RGS12: variants seen among roughly 807,000 people sequenced by gnomAD.
RGS12 encodes regulator of G protein signaling 12, also known as regulator of G-protein signaling 12.
A neutral mutation model predicts 120.1 loss-of-function variants in RGS12; 66 were observed. The ratio of observed to expected loss-of-function variants is 0.55; its 90% CI spans 0.45 to 0.67. The LOEUF is 0.67. RGS12 is among the 30% of genes least tolerant of loss of function. The pLI is 0.00. For missense variants in RGS12, 1,859 were observed against 1,957.7 expected (o/e 0.95, Z 0.95); for synonymous variants, 827 against 804.7 (o/e 1.03, Z -0.47).
Position 3,423,597 on chromosome 4 carries a change from G to T in RGS12, c.3190G>T (p.Val1064Leu), listed in dbSNP as rs749956535. 5.9e-5 allele frequency: 95 copies of T among 1,612,090 alleles called. No homozygotes were observed. The highest frequency in any genetic ancestry group is 7.5e-5 in the Non-Finnish European group (89 of 1,179,948). ...KPVTEVLRPV[V>L]ARYGLDLSGL... ...CGTCACGGAGGTGCTGCGGCCCGTG[G>T]TGGCCAGATACGGCCTGGACCTCAG... Residue 1064 changes from valine (V) to leucine (L), a missense_variant, in exon 13 of 18, where the codon GTG (valine) becomes TTG (leucine). Coordinates refer to ENST00000336727, the MANE Select transcript of RGS12 (RefSeq NM_001394154.1).
chr4:3,350,474 G>A (rs1025838833), intron 3 of RGS12, among the ~76,000 whole-genome samples: 3 of 152,234 alleles, frequency 2.0e-5, no homozygotes, highest in Admixed American at 6.5e-5. Flanking sequence ...TTGAGCCCAG[G>A]AGTTTGAGAC....
chr4:3,357,684 T>C (rs114501828), intron 3 of RGS12, among the ~76,000 whole-genome samples: 4,892 of 152,202 alleles, frequency 0.032, 243 homozygotes, highest in African/African-American at 0.11. Flanking sequence ...TTATGTAAGG[T>C]TTTATTTCTG....
At chr4:3,417,286 A>G (rs1330529885) in intron 8 of RGS12, 102 bp from the exon 9 acceptor site, 2 of 1,366,610 alleles carry the variant, frequency 1.5e-6, no homozygotes, top group East Asian at 2.5e-5. Flanking sequence ...ATACCATCCC[A>G]TAGAGTGCTT....
rs563625353 is a variant in RGS12, at chr4:3,349,820, G to C, written c.1998+6767G>C. On this transcript the variant is annotated intron_variant, in intron 3 of 17. Transcript: ENST00000336727. ...CCTTCTCTAAAATTTAATAAGCCAA[G>C]AACAAACTTACATTTGTGTTCAGCA... 3.0e-3 allele frequency among the ~76,000 whole-genome samples: 462 copies of C among 152,150 alleles called. 4 individuals carry two copies. Among genetic ancestry groups the C allele is most frequent in the Middle Eastern group, 0.01 (3 of 286 alleles).
intron 3 of RGS12, among the ~76,000 whole-genome samples, chr4:3,358,534 T>A (rs953643174): frequency 3.9e-5 from 6 of 152,216 alleles, no homozygotes; most frequent in African/African-American, 1.4e-4. Context: ...TGTTTTTTTT[T>A]AAGTCATGAA....
At chr4:3,303,210 C>G (rs758009247) in intron 1 of RGS12, among the ~76,000 whole-genome samples, 1 of 152,040 alleles carries the variant, frequency 6.6e-6, no homozygotes, top group Non-Finnish European at 1.5e-5. Context: ...AAGGACAAAG[C>G]GCTGGCAGCT....
rs1417609802 is a variant in RGS12, at chr4:3,372,813, G to A, written c.1999-13603G>A. On this transcript the variant is annotated intron_variant, in intron 3 of 17. Transcript: ENST00000336727. This position sits in a 1 kb window ranked among gnomAD's most constrained non-coding sequence, Gnocchi z 4.3. ...GGGGTTGTCTTCAGGCTGCCAGAGC[G>A]TGACAGAAAGAACTTTCTAGAGACC... Among the ~76,000 whole-genome samples, 17 of 152,216 alleles carry A rather than the reference G, an allele frequency of 1.1e-4. No individual in the cohort carries two copies. The highest frequency in any genetic ancestry group is 7.3e-5 in the Non-Finnish European group (5 of 68,042).
Position 3,428,077 on chromosome 4 carries a change from T to C in RGS12, c.3332-13T>C, listed in dbSNP as rs749296964. 4.3e-6 allele frequency: 7 copies of C among 1,611,684 alleles called. No individual in the cohort carries two copies. In the East Asian group the frequency reaches 1.3e-4, roughly 31 times the overall value. Reference sequence around the variant, plus strand: ...TGCGAGTCCCTGAAGTCATAAAGCTTTCTTATGTTTAGCATCCGCAGATAA... The same window carrying C: ...TGCGAGTCCCTGAAGTCATAAAGCTCTCTTATGTTTAGCATCCGCAGATAA... On this transcript the variant is annotated splice_polypyrimidine_tract_variant and intron_variant, in intron 14 of 17. Transcript: ENST00000336727.
At chr4:3,377,195 C>G (rs1464109628) in intron 3 of RGS12, among the ~76,000 whole-genome samples, 1 of 151,948 alleles carries the variant, frequency 6.6e-6, no homozygotes, top group Admixed American at 6.6e-5. Flanking sequence ...CCTCAGCCCC[C>G]CAAGTAGCTG....
chr4:3,407,228 G>A (rs111682759), intron 4 of RGS12: 1 of 152,248 alleles, frequency 6.6e-6, no homozygotes, highest in African/African-American at 2.4e-5. Flanking sequence ...AATAATTCAG[G>A]CTCCGTGGCG....
At chr4:3,397,629 G>A (rs561481704) in intron 4 of RGS12, among the ~76,000 whole-genome samples, 1 of 152,294 alleles carries the variant, frequency 6.6e-6, no homozygotes, top group South Asian at 2.1e-4. Context: ...GAGCAGATAG[G>A]GGGGTGATAA....
At chr4:3,340,978 G>A (rs1313947926) in intron 2 of RGS12, among the ~76,000 whole-genome samples, 1 of 151,882 alleles carries the variant, frequency 6.6e-6, no homozygotes, top group African/African-American at 2.4e-5. Context: ...TCTGCCTGCC[G>A]GCTGCCCTCT....
chr4:3,308,256 T>C (rs1411102037), intron 1 of RGS12, among the ~76,000 whole-genome samples: 3 of 151,984 alleles, frequency 2.0e-5, no homozygotes, highest in Non-Finnish European at 4.4e-5. Context: ...CTTCAGGAGG[T>C]GAACAGAAAG....
At position 3,374,539 on chromosome 4, in the gene RGS12, A is replaced by T. The variant is rs1384413851; in HGVS notation, c.1999-11877A>T. Among the ~76,000 whole-genome samples, 1 of 152,034 alleles carries T rather than the reference A, an allele frequency of 6.6e-6. No homozygotes were observed. Among genetic ancestry groups the T allele is most frequent in the Non-Finnish European group, 1.5e-5 (1 of 68,006 alleles). On this transcript the variant is annotated intron_variant, in intron 3 of 17. Transcript: ENST00000336727. The surrounding 1 kb of genome is among the most constrained non-coding windows in gnomAD (Gnocchi z 6.3). ...ACATCCAGGAGGCCCCTCAGACTTAAGTACCAAACAAGACTTGGATTCTCC... is the reference window on the plus strand; with the variant it reads ...ACATCCAGGAGGCCCCTCAGACTTATGTACCAAACAAGACTTGGATTCTCC...
At chr4:3,338,874 C>G (rs1414382539) in intron 2 of RGS12, among the ~76,000 whole-genome samples, 2 of 152,158 alleles carry the variant, frequency 1.3e-5, no homozygotes, top group African/African-American at 4.8e-5. Flanking sequence ...TATGTCACAC[C>G]AGCAGGGGTG....
upstream of RGS12, among the ~76,000 whole-genome samples, chr4:3,290,556 GC>G (rs1194474210): frequency 6.6e-6 from 1 of 152,214 alleles, no homozygotes; most frequent in Non-Finnish European, 1.5e-5. Flanking sequence ...GTGGGGGGAC[GC>G]CCCCACACCC....
rs536949226 is a variant in RGS12, at chr4:3,402,764, G to A, written c.2021-11308G>A. On this transcript the variant is annotated intron_variant, in intron 4 of 17. Transcript: ENST00000336727. ...AATAGAAGAAGAATGTCTTTACAAA[G>A]TATAAATATTTTATTCATCAAAATG... Among the ~76,000 whole-genome samples the A allele has an allele frequency of 3.9e-5, 6 of 152,332 alleles. No homozygotes were observed. In the East Asian group the frequency reaches 1.2e-3, roughly 29 times the overall value.
At chr4:3,378,813 A>G (rs1717953898) in intron 3 of RGS12, among the ~76,000 whole-genome samples, 1 of 152,228 alleles carries the variant, frequency 6.6e-6, no homozygotes, top group African/African-American at 2.4e-5. Flanking sequence ...GGGAATGTAA[A>G]TTGTACAGCC....
At position 3,348,833 on chromosome 4, in the gene RGS12, T is replaced by A. The variant is rs116754519; in HGVS notation, c.1998+5780T>A. Among the ~76,000 whole-genome samples, 130 of 152,278 alleles carry A rather than the reference T, an allele frequency of 8.5e-4. 1 individual carries two copies. The highest frequency in any genetic ancestry group is 3.0e-3 in the African/African-American group (125 of 41,558). On this transcript the variant is annotated intron_variant, in intron 3 of 17. Transcript: ENST00000336727. ...GGGGAGAGAGTGGAAGGCAGTGATATGCGGCCAGCAGGTCACACGCAGCAA... is the reference window on the plus strand; with the variant it reads ...GGGGAGAGAGTGGAAGGCAGTGATAAGCGGCCAGCAGGTCACACGCAGCAA...
Sources: gnomAD v4.1 joint callset for allele counts (sites outside exome capture counted in the v4.1 genomes callset) on GRCh38, gnomAD v4.1.1 for gene constraint, Gnocchi (gnomAD v3.1) non-coding constraint, MANE v1.5 for transcripts, NCBI Gene and HGNC (gene_info 2026-07-23, HGNC 2026-07-21) for gene names.